THSD7A: variants seen among roughly 807,000 people sequenced by gnomAD.
THSD7A encodes thrombospondin type 1 domain containing 7A, also known as thrombospondin type-1 domain-containing protein 7A.
A neutral mutation model predicts 231.3 loss-of-function variants in THSD7A; 96 were observed. The observed-to-expected ratio is 0.41, with a 90% CI of 0.35 to 0.49. The LOEUF is 0.49. Among genes scored for constraint, THSD7A ranks in the 20% least tolerant of loss-of-function variants. The pLI, the probability that THSD7A is intolerant of heterozygous loss-of-function variation, is 0.05. For synonymous variants in THSD7A, 940 were observed against 743.3 expected (o/e 1.26, Z -4.30); for missense variants, 2,290 against 2,070.2 (o/e 1.11, Z -2.06).
At chr7:11,687,072 T>C (rs1220165627) in intron 1 of THSD7A, among the ~76,000 whole-genome samples, 1 of 151,916 alleles carries the variant, frequency 6.6e-6, no homozygotes, top group Non-Finnish European at 1.5e-5. Flanking sequence ...TTTTTTACAT[T>C]AATTTTGATT....
At chr7:11,828,764 ATAAG>A (rs1310979571) in intron 1 of THSD7A, among the ~76,000 whole-genome samples, 3 of 152,200 alleles carry the variant, frequency 2.0e-5, no homozygotes, top group Non-Finnish European at 2.9e-5. Context: ...CATATAATGT[ATAAG>A]TAATAAGTAT....
intron 1 of THSD7A, among the ~76,000 whole-genome samples, chr7:11,700,392 A>G (rs957266737): frequency 6.6e-6 from 1 of 151,308 alleles, no homozygotes; most frequent in Non-Finnish European, 1.5e-5. Context: ...GTTGACATTT[A>G]CGTAATTCTA....
chr7:11,468,274 TAATTG>T (rs895127621), intron 9 of THSD7A, among the ~76,000 whole-genome samples: 113 of 152,232 alleles, frequency 7.4e-4, no homozygotes, highest in African/African-American at 2.7e-3. Flanking sequence ...TAATGCTTTT[TAATTG>T]AATTAATTAA....
intron 1 of THSD7A, among the ~76,000 whole-genome samples, chr7:11,825,195 T>C (rs528879049): frequency 5.3e-5 from 8 of 152,254 alleles, no homozygotes; most frequent in African/African-American, 1.9e-4. Context: ...AGTTTTTGAA[T>C]GTCTGCAGCA....
chr7:11,563,510 C>T (rs115259293), intron 4 of THSD7A, among the ~76,000 whole-genome samples: 4,425 of 152,174 alleles, frequency 0.029, 76 homozygotes, highest in East Asian at 0.056. Context: ...CAGGTACACA[C>T]CACCATGTCT....
chr7:11,778,682 G>GCT (rs1783525334), intron 1 of THSD7A, among the ~76,000 whole-genome samples: 1 of 151,860 alleles, frequency 6.6e-6, no homozygotes, highest in Non-Finnish European at 1.5e-5. Context: ...TTCAACTTAG[G>GCT]ACAATTAAAA....
Position 11,462,196 on chromosome 7 carries a change from C to G in THSD7A, c.2369-53G>C, listed in dbSNP as rs1785533694. 3 of 1,590,354 alleles carry G rather than the reference C, an allele frequency of 1.9e-6. No individual in the cohort carries two copies. Among genetic ancestry groups the G allele is most frequent in the African/African-American group, 2.7e-5 (2 of 74,612 alleles). ...GTACTTTACACTGATGAGATAATCT[C>G]TAAATACCAGTCTGTGTGAAGAAAT... On this transcript the variant is annotated intron_variant, in intron 9 of 27. Transcript: ENST00000423059.
At chr7:11,745,849 C>G (rs927701837) in intron 1 of THSD7A, among the ~76,000 whole-genome samples, 2 of 151,988 alleles carry the variant, frequency 1.3e-5, no homozygotes, top group Non-Finnish European at 2.9e-5. Flanking sequence ...TTACTGTAGC[C>G]TTCTAGTATA....
intron 1 of THSD7A, among the ~76,000 whole-genome samples, chr7:11,736,792 T>A (rs558931539): frequency 6.6e-6 from 1 of 152,004 alleles, no homozygotes; most frequent in East Asian, 1.9e-4. Flanking sequence ...GTACTTGATA[T>A]GGTTTGACCA....
intron 1 of THSD7A, among the ~76,000 whole-genome samples, chr7:11,706,412 GA>G (rs1485820363): frequency 6.6e-6 from 1 of 150,808 alleles, no homozygotes; most frequent in African/African-American, 2.4e-5. Flanking sequence ...AAGAAACTCA[GA>G]AAGTAAAGAA....
Position 11,636,347 on chromosome 7 carries a change from G to C in THSD7A, c.805C>G (p.Arg269Gly), listed in dbSNP as rs1423646009. Residue 269 changes from arginine to glycine, a missense_variant, in exon 2 of 28, where the codon CGA becomes GGA. Transcript: ENST00000423059. This position sits in a 1 kb window ranked among gnomAD's most constrained non-coding sequence, Gnocchi z 10.0. ...PWSTCSMPHSRQVRQARRRGK... is the reference protein window; with the variant it reads ...PWSTCSMPHSGQVRQARRRGK... ...CGTCTCCTTGCTTGTCTTACTTGTC[G>C]GGAGTGGGGCATTGAGCAGGTGCTC... is the stretch of plus-strand genomic sequence containing the variant. 5.6e-6 allele frequency: 9 copies of C among 1,613,598 alleles called. No individual in the cohort carries two copies. Among genetic ancestry groups the C allele is most frequent in the Non-Finnish European group, 7.6e-6 (9 of 1,179,848 alleles).
At chr7:11,464,935 G>C (rs193106211) in intron 9 of THSD7A, among the ~76,000 whole-genome samples, 136 of 152,146 alleles carry the variant, frequency 8.9e-4, no homozygotes, top group Non-Finnish European at 1.6e-3. Context: ...CCTCAGATCA[G>C]AGAGCAGAAA....
chr7:11,549,549 C>T (rs1190239289), intron 4 of THSD7A, among the ~76,000 whole-genome samples: 1 of 151,986 alleles, frequency 6.6e-6, no homozygotes, highest in Non-Finnish European at 1.5e-5. Flanking sequence ...CAATGATAGA[C>T]TGGATAAAGA....
At chr7:11,571,364 T>A (rs1790621667) in intron 4 of THSD7A, among the ~76,000 whole-genome samples, 1 of 152,228 alleles carries the variant, frequency 6.6e-6, no homozygotes, top group Non-Finnish European at 1.5e-5. Context: ...ATTGTGGGCA[T>A]GTTTTCCCCT....
At chr7:11,670,866 G>A (rs1039504104) in intron 1 of THSD7A, among the ~76,000 whole-genome samples, 6 of 152,104 alleles carry the variant, frequency 3.9e-5, no homozygotes, top group Admixed American at 2.6e-4. Context: ...TTACTGATAC[G>A]ATGTTAAGCT....
At chr7:11,562,430 C>A (rs1790114051) in intron 4 of THSD7A, among the ~76,000 whole-genome samples, 1 of 152,132 alleles carries the variant, frequency 6.6e-6, no homozygotes, top group Non-Finnish European at 1.5e-5. Flanking sequence ...ATTCATTCAT[C>A]CATTTAGCAA....
chr7:11,534,846 T>C (rs1037126708), intron 6 of THSD7A, among the ~76,000 whole-genome samples: 4 of 152,322 alleles, frequency 2.6e-5, no homozygotes, highest in Admixed American at 1.3e-4. Context: ...TTCTGTCCAA[T>C]GTCCATACTG....
chr7:11,565,368 C>G (rs1364297621), intron 4 of THSD7A, among the ~76,000 whole-genome samples: 1 of 152,108 alleles, frequency 6.6e-6, no homozygotes, highest in Non-Finnish European at 1.5e-5. Flanking sequence ...TTATTTATCA[C>G]AAAAAAATCC....
At chr7:11,724,216 G>A (rs1781467338) in intron 1 of THSD7A, among the ~76,000 whole-genome samples, 5 of 151,896 alleles carry the variant, frequency 3.3e-5, no homozygotes, top group African/African-American at 9.7e-5. Flanking sequence ...GCTACTTAAT[G>A]AGATGTGACA....
Sources: allele counts gnomAD v4.1 joint callset (sites outside exome capture counted in the v4.1 genomes callset), GRCh38; gene constraint gnomAD v4.1.1; non-coding constraint Gnocchi (gnomAD v3.1); transcripts MANE v1.5; gene names NCBI Gene and HGNC (gene_info 2026-07-23, HGNC 2026-07-21).